The following SPOCK3 variants were observed in gnomAD, a reference collection of about 807,000 sequenced individuals.
SPOCK3 encodes testican-3.
Under a neutral mutation model 56.6 loss-of-function variants are expected in SPOCK3, and 30 were observed. That is an observed-to-expected ratio of 0.53 (90% CI 0.40 to 0.72). SPOCK3 has a LOEUF of 0.72. Among genes scored for constraint, SPOCK3 ranks in the 30% least tolerant of loss-of-function variants. SPOCK3 has a pLI of 0.00. For missense variants in SPOCK3, 527 were observed against 530.0 expected, an observed-to-expected ratio of 0.99 and a Z score of 0.06; for synonymous variants, 196 against 183.3, an observed-to-expected ratio of 1.07 and a Z score of -0.56.
chr4:166,816,870 G>T (rs55734645), intron 6 of SPOCK3, among the ~76,000 whole-genome samples: 3 of 151,720 alleles, frequency 2.0e-5, no homozygotes, highest in African/African-American at 4.8e-5. Context: ...AGAGGTCGAG[G>T]GCCCAGTGCA....
At chr4:167,119,992 T>C in intron 2 of SPOCK3, 1 of 604,814 alleles carries the variant, frequency 1.7e-6, no homozygotes, top group Non-Finnish European at 2.8e-6. Flanking sequence ...TCCACTGAAA[T>C]ATTTTATGTT....
intron 3 of SPOCK3, among the ~76,000 whole-genome samples, chr4:167,053,494 G>A (rs543538284): frequency 3.7e-4 from 56 of 152,088 alleles, no homozygotes; most frequent in Non-Finnish European, 7.4e-4. Flanking sequence ...AGACCACCCT[G>A]GCCAACATGG....
chr4:167,056,679 G>T (rs1754911875), intron 3 of SPOCK3, among the ~76,000 whole-genome samples: 1 of 152,102 alleles, frequency 6.6e-6, no homozygotes, highest in Non-Finnish European at 1.5e-5. Context: ...TGGAAGAAAG[G>T]GTATCAGTGA....
At chr4:166,817,280 C>T (rs1444496121) in intron 6 of SPOCK3, among the ~76,000 whole-genome samples, 1 of 152,072 alleles carries the variant, frequency 6.6e-6, no homozygotes, top group Non-Finnish European at 1.5e-5. Flanking sequence ...ACAAACCTTC[C>T]CTTTTCACTG....
chr4:167,026,273 T>C (rs1751690560), intron 3 of SPOCK3, among the ~76,000 whole-genome samples: 1 of 152,086 alleles, frequency 6.6e-6, no homozygotes, highest in African/African-American at 2.4e-5. Flanking sequence ...CTTTATGTAA[T>C]TCAATAAAAC....
At chr4:166,973,661 T>C (rs1467422081) in intron 4 of SPOCK3, among the ~76,000 whole-genome samples, 1 of 152,170 alleles carries the variant, frequency 6.6e-6, no homozygotes, top group East Asian at 1.9e-4. Flanking sequence ...AAAATATTTG[T>C]CTGCTATGCC....
chr4:166,901,791 G>A (rs142442090), intron 5 of SPOCK3, among the ~76,000 whole-genome samples: 58 of 152,288 alleles, frequency 3.8e-4, no homozygotes, highest in African/African-American at 1.4e-3. Context: ...AGACTCTGGA[G>A]TGGGGGGTCG....
chr4:166,774,649 G>A (rs1220820830), intron 7 of SPOCK3, among the ~76,000 whole-genome samples: 2 of 152,114 alleles, frequency 1.3e-5, no homozygotes, highest in Non-Finnish European at 2.9e-5. Flanking sequence ...CAACAAATAA[G>A]TAAGCAGATC....
At chr4:167,039,639 G>C (rs28837392) in intron 3 of SPOCK3, among the ~76,000 whole-genome samples, 7,435 of 148,780 alleles carry the variant, frequency 0.05, 257 homozygotes, top group African/African-American at 0.097. Context: ...GTAGAGGATA[G>C]AAATGTATGC....
intron 2 of SPOCK3, among the ~76,000 whole-genome samples, chr4:167,161,309 T>C (rs996815900): frequency 3.3e-5 from 5 of 152,276 alleles, no homozygotes; most frequent in African/African-American, 1.2e-4. Context: ...TCACTGGCCA[T>C]CAGAGAAATG....
intron 8 of SPOCK3, among the ~76,000 whole-genome samples, chr4:166,749,595 C>T (rs1334493730): frequency 6.6e-6 from 1 of 151,540 alleles, no homozygotes; most frequent in Non-Finnish European, 1.5e-5. Flanking sequence ...ATGTAACAAA[C>T]CTGCACGTTG....
chr4:166,888,649 T>G, intron 6 of SPOCK3, among the ~76,000 whole-genome samples: 1 of 152,094 alleles, frequency 6.6e-6, no homozygotes, highest in East Asian at 1.9e-4. Context: ...AAAAAAAAGT[T>G]TAACTTATAA....
At chr4:166,941,309 G>A (rs1015878422) in intron 4 of SPOCK3, among the ~76,000 whole-genome samples, 1 of 152,100 alleles carries the variant, frequency 6.6e-6, no homozygotes, top group Non-Finnish European at 1.5e-5. Flanking sequence ...TTTGTCCTTG[G>A]GATTAGCAAA....
chr4:167,209,624 A>T (rs985707946), intron 2 of SPOCK3, among the ~76,000 whole-genome samples: 4 of 152,064 alleles, frequency 2.6e-5, no homozygotes, highest in Admixed American at 2.6e-4. Context: ...TTTCTCACTT[A>T]AATAGCCAGA....
intron 6 of SPOCK3, among the ~76,000 whole-genome samples, chr4:166,874,768 T>C (rs1340975369): frequency 6.6e-6 from 1 of 152,202 alleles, no homozygotes; most frequent in Non-Finnish European, 1.5e-5. Context: ...ACATGACGTA[T>C]ATGCAAAATG....
intron 3 of SPOCK3, among the ~76,000 whole-genome samples, chr4:167,060,088 A>T (rs1714285146): frequency 6.6e-6 from 1 of 152,028 alleles, no homozygotes; most frequent in Non-Finnish European, 1.5e-5. Flanking sequence ...CCAGCATGGC[A>T]CATGTATACA....
chr4:167,200,269 A>G (rs544159282), intron 2 of SPOCK3, among the ~76,000 whole-genome samples: 1 of 152,236 alleles, frequency 6.6e-6, no homozygotes, highest in African/African-American at 2.4e-5. Flanking sequence ...TATTCAAAGA[A>G]ACACAACAGC....
chr4:167,008,966 T>A lies in SPOCK3; in HGVS notation c.236-8503A>T, dbSNP rs1749739936. ...TACACAGTACATCCATGTAATAACC[T>A]GCACATGTACCCCCAGAATCCATAA... On this transcript the variant is annotated intron_variant, in intron 3 of 10. Coordinates refer to ENST00000357545, the MANE Select transcript of SPOCK3 (RefSeq NM_001040159.2). Among the ~76,000 whole-genome samples the A allele has an allele frequency of 2.0e-5, 3 of 152,202 alleles. No homozygotes were observed. The South Asian group carries it at 6.2e-4, about 32-fold the overall frequency.
At chr4:166,948,094 AT>A (rs1430426184) in intron 4 of SPOCK3, among the ~76,000 whole-genome samples, 114 of 152,314 alleles carry the variant, frequency 7.5e-4, no homozygotes, top group Non-Finnish European at 2.2e-4. Flanking sequence ...AAAAGTTCAC[AT>A]ATGAGTGAGA....
Sources: gnomAD v4.1 joint callset for allele counts (sites outside exome capture counted in the v4.1 genomes callset) on GRCh38, gnomAD v4.1.1 for gene constraint, MANE v1.5 for transcripts, NCBI Gene and HGNC (gene_info 2026-07-23, HGNC 2026-07-21) for gene names.